ANKFN1: variants seen among roughly 807,000 people sequenced by gnomAD.
ANKFN1 encodes the protein ankyrin repeat and fibronectin type III domain containing 1, also known as ankyrin repeat and fibronectin type-III domain-containing protein 1.
In ANKFN1, 74 loss-of-function variants were observed where a neutral mutation model predicts 108.7. That is an observed-to-expected ratio of 0.68 (90% CI 0.56 to 0.83). ANKFN1 has a LOEUF of 0.83. ANKFN1 is among the 40% of genes least tolerant of loss of function. ANKFN1 has a pLI of 0.00. For synonymous variants in ANKFN1, 547 were observed against 516.2 expected, an observed-to-expected ratio of 1.06 and a Z score of -0.81; for missense variants, 1,505 against 1,382.3, an observed-to-expected ratio of 1.09 and a Z score of -1.41.
rs114341206 is a variant in ANKFN1, at chr17:56,412,705, A to G, written c.911-27622A>G. ...GGGGCTCTTGGGTCTTTGGCCACGAACTGAAGGCTGCACTGTCAGCTTACC... is the reference window on the plus strand; with the variant it reads ...GGGGCTCTTGGGTCTTTGGCCACGAGCTGAAGGCTGCACTGTCAGCTTACC... On this transcript the variant is annotated intron_variant, in intron 8 of 20. Transcript: ENST00000682825. Among the ~76,000 whole-genome samples, 807 of 152,298 alleles carry G rather than the reference A, an allele frequency of 5.3e-3. 5 individuals are homozygous for G. The highest frequency in any genetic ancestry group is 0.017 in the Middle Eastern group (5 of 294).
intron 3 of ANKFN1, among the ~76,000 whole-genome samples, chr17:56,321,620 T>A (rs944918811): frequency 1.3e-5 from 2 of 152,174 alleles, no homozygotes; most frequent in Non-Finnish European, 2.9e-5. Flanking sequence ...ATTCTCAAAA[T>A]ATGGTCAGGA....
intron 1 of ANKFN1, among the ~76,000 whole-genome samples, chr17:56,210,061 C>CATAGATAGATAG (rs57680665): frequency 0.02 from 3,016 of 148,074 alleles, 37 homozygotes; most frequent in East Asian, 0.038. Flanking sequence ...TAGATAGATA[C>CATAGATAGATAG]ATAGATAGAT....
At chr17:56,327,637 G>A (rs556333334) in intron 4 of ANKFN1, among the ~76,000 whole-genome samples, 13 of 152,264 alleles carry the variant, frequency 8.5e-5, no homozygotes, top group African/African-American at 3.1e-4. Context: ...AGGAGACCGA[G>A]TTGCCTACTG....
Position 56,498,961 on chromosome 17 carries a change from G to C in ANKFN1, c.2507G>C (p.Gly836Ala). 6.5e-7 allele frequency: 1 copy of C among 1,535,726 alleles called. No individual in the cohort carries two copies. Among genetic ancestry groups the C allele is most frequent in the Non-Finnish European group, 8.7e-7 (1 of 1,146,626 alleles). ...GCAAGATACAAACAACCAGTTTCTG[G>C]CTTGCCCATCACTAAGCTGATAGAC... Reference protein sequence around the residue: ...QYARYKQPVSGLPITKLIDPS... With the variant: ...QYARYKQPVSALPITKLIDPS... Residue 836 changes from glycine to alanine, a missense_variant, in exon 20 of 21, where the codon GGC becomes GCC. Transcript: ENST00000682825.
intron 3 of ANKFN1, among the ~76,000 whole-genome samples, chr17:56,253,185 G>A (rs2043277399): frequency 6.6e-6 from 1 of 152,152 alleles, no homozygotes; most frequent in Admixed American, 6.5e-5. Context: ...TGCTAAAAAT[G>A]GGCTACCAAT....
intron 8 of ANKFN1, among the ~76,000 whole-genome samples, chr17:56,417,126 A>G (rs1343915570): frequency 6.6e-6 from 1 of 152,150 alleles, no homozygotes; most frequent in East Asian, 1.9e-4. Flanking sequence ...AAATAGTTAG[A>G]AGGAATGAAT....
At position 56,145,270 on chromosome 17, in the gene ANKFN1, A is replaced by G. The variant is rs116961702; in HGVS notation, c.289-82647A>G. Among the ~76,000 whole-genome samples the G allele has an allele frequency of 2.4e-4, 37 of 152,384 alleles. 1 individual carries two copies. In the East Asian group the frequency reaches 6.7e-3, roughly 28 times the overall value. ...AGTGAGCTGTCAGACCAACAGACAG[A>G]CATAAAGGGAGTCAGAAAAATAGAA... is the stretch of plus-strand genomic sequence containing the variant. On this transcript the variant is annotated intron_variant, in intron 4 of 12. Coordinates refer to the ANKFN1 transcript ENST00000635860.
At chr17:56,080,536 G>T (rs1905233349) in intron 4 of ANKFN1, among the ~76,000 whole-genome samples, 1 of 152,170 alleles carries the variant, frequency 6.6e-6, no homozygotes, top group African/African-American at 2.4e-5. Flanking sequence ...ATGTTGCTAA[G>T]CTTTTCTGTG....
rs2051861153 is a variant in ANKFN1 at position 56,514,552 on chromosome 17, G to A, written c.*3283G>A. ...CTAAAACATCCTCTTAATTGGCGAG[G>A]GTGCCTGGGAGACAGTAATTAAAAA... is the stretch of plus-strand genomic sequence containing the variant. On this transcript the variant is annotated 3_prime_UTR_variant, in exon 21 of 21. Transcript: ENST00000682825. 6.6e-6 allele frequency among the ~76,000 whole-genome samples: 1 copy of A among 152,094 alleles called. No individual in the cohort carries two copies. Among genetic ancestry groups the A allele is most frequent in the African/African-American group, 2.4e-5 (1 of 41,418 alleles).
chr17:56,236,508 A>G (rs745593498), intron 3 of ANKFN1, among the ~76,000 whole-genome samples: 5 of 152,134 alleles, frequency 3.3e-5, no homozygotes, highest in African/African-American at 4.8e-5. Flanking sequence ...TTGTTGGTGT[A>G]TAGGAATACT....
In ANKFN1 at chr17:56,326,340, C is replaced by T. The variant is rs761277860; in HGVS notation, c.173C>T (p.Ser58Leu). The T allele has an allele frequency of 1.2e-6, 2 of 1,612,864 alleles. No individual in the cohort carries two copies. Among genetic ancestry groups the T allele is most frequent in the South Asian group, 1.1e-5 (1 of 90,740 alleles). ...QLPTTCSSAA[S>L]NSINWNCRVK... ...CCAACAACTTGTTCCTCTGCTGCCTCGAACAGCATAAACTGGTAAGTCAAA... is the reference window on the plus strand; with the variant it reads ...CCAACAACTTGTTCCTCTGCTGCCTTGAACAGCATAAACTGGTAAGTCAAA... Residue 58 changes from serine to leucine, a missense_variant, in exon 4 of 21, where the codon TCG becomes TTG. Transcript: ENST00000682825.
chr17:56,302,707 C>CA (rs2044708445), intron 3 of ANKFN1, among the ~76,000 whole-genome samples: 2 of 152,158 alleles, frequency 1.3e-5, no homozygotes, highest in South Asian at 4.1e-4. Flanking sequence ...GTTAATAAGA[C>CA]AGAGTATATA....
intron 3 of ANKFN1, among the ~76,000 whole-genome samples, chr17:56,303,474 C>A (rs1299099459): frequency 2.0e-5 from 3 of 152,198 alleles, no homozygotes; most frequent in African/African-American, 7.2e-5. Context: ...GCCATAATAT[C>A]ACCAGAACCA....
At chr17:56,341,170 C>A (rs1598429460) in intron 4 of ANKFN1, among the ~76,000 whole-genome samples, 1 of 152,072 alleles carries the variant, frequency 6.6e-6, no homozygotes, top group Non-Finnish European at 1.5e-5. Flanking sequence ...TGAGACTTTG[C>A]TAAAGTTGTT....
At chr17:56,117,278 G>T (rs1220444924) in intron 4 of ANKFN1, among the ~76,000 whole-genome samples, 1 of 152,134 alleles carries the variant, frequency 6.6e-6, no homozygotes, top group Non-Finnish European at 1.5e-5. Flanking sequence ...GTAGTGACAA[G>T]GAATGAAGTA....
chr17:56,202,403 A>C (rs985248762), intron 1 of ANKFN1, among the ~76,000 whole-genome samples: 19 of 152,192 alleles, frequency 1.2e-4, no homozygotes, highest in Admixed American at 3.9e-4. Flanking sequence ...ACTTGTATGC[A>C]CAGAGAGGAC....
intron 6 of ANKFN1, among the ~76,000 whole-genome samples, chr17:56,355,430 C>T (rs1598450072): frequency 6.6e-6 from 1 of 151,702 alleles, no homozygotes; most frequent in African/African-American, 2.4e-5. Flanking sequence ...ACTGGAGGAA[C>T]AAAAAAAGTC....
chr17:56,391,272 TATATATATGTATATGTACACACACAC>T (rs2047424716), intron 8 of ANKFN1, among the ~76,000 whole-genome samples: 5 of 142,332 alleles, frequency 3.5e-5, no homozygotes, highest in African/African-American at 7.9e-5. Flanking sequence ...TGTGTGTACA[TATATATATGTATATGTACACACACAC>T]ACAGTCTCGC....
chr17:56,427,668 C>T (rs1043595540), intron 8 of ANKFN1, among the ~76,000 whole-genome samples: 4 of 152,062 alleles, frequency 2.6e-5, no homozygotes, highest in East Asian at 1.9e-4. Context: ...GTTCAGTCAG[C>T]GAAAGTCCAA....
Sources: allele counts gnomAD v4.1 joint callset (sites outside exome capture counted in the v4.1 genomes callset), GRCh38; gene constraint gnomAD v4.1.1; transcripts MANE v1.5; gene names NCBI Gene and HGNC (gene_info 2026-07-23, HGNC 2026-07-21).